Variants in VPS13D observed in about 807,000 individuals in gnomAD.
VPS13D encodes the protein vacuolar protein sorting 13 homolog D, also known as intermembrane lipid transfer protein VPS13D.
In VPS13D, 187 loss-of-function variants were observed where a neutral mutation model predicts 461.9. The ratio of observed to expected loss-of-function variants is 0.40; its 90% CI spans 0.36 to 0.46. The LOEUF (loss-of-function observed/expected upper bound fraction) is 0.46. Among genes scored for constraint, VPS13D ranks in the 20% least tolerant of loss-of-function variants. VPS13D has a pLI of 0.60. For missense variants in VPS13D, 4,711 were observed against 5,364.9 expected, an observed-to-expected ratio of 0.88 and a Z score of 3.81; for synonymous variants, 1,951 against 1,986.3, an observed-to-expected ratio of 0.98 and a Z score of 0.47.
chr1:12,416,327 C>T (rs1644793791), intron 64 of VPS13D, among the ~76,000 whole-genome samples: 2 of 152,164 alleles, frequency 1.3e-5, no homozygotes, highest in Admixed American at 1.3e-4. Context: ...GATTACTTCT[C>T]TATTTGTAGG....
chr1:12,377,390 A>T (rs1570042129), intron 55 of VPS13D, among the ~76,000 whole-genome samples: 1 of 152,066 alleles, frequency 6.6e-6, no homozygotes, highest in East Asian at 1.9e-4. Context: ...AGTCTTATGG[A>T]CCAATGTCTA....
At chr1:12,411,683 G>A (rs1644732321) in intron 63 of VPS13D, among the ~76,000 whole-genome samples, 2 of 152,162 alleles carry the variant, frequency 1.3e-5, no homozygotes, top group Non-Finnish European at 2.9e-5. Flanking sequence ...TTAATAATTT[G>A]GACTAGACCT....
intron 63 of VPS13D, among the ~76,000 whole-genome samples, chr1:12,408,197 A>C (rs955096013): frequency 1.3e-5 from 2 of 152,226 alleles, no homozygotes; most frequent in Non-Finnish European, 2.9e-5. Flanking sequence ...TCTGGCTTTC[A>C]TGCTTTCTAC....
chr1:12,329,234 G>C (rs1001285617), intron 36 of VPS13D, among the ~76,000 whole-genome samples: 7 of 151,466 alleles, frequency 4.6e-5, no homozygotes, highest in African/African-American at 1.7e-4. Context: ...TATTTTTTGA[G>C]ACAAGAGTCT....
At chr1:12,242,855 G>A (rs1640422743) in intron 3 of VPS13D, among the ~76,000 whole-genome samples, 1 of 152,178 alleles carries the variant, frequency 6.6e-6, no homozygotes, top group African/African-American at 2.4e-5. Flanking sequence ...TGTTTAATAA[G>A]CACTCCAGGT....
chr1:12,234,059 A>C (rs1324100497), intron 1 of VPS13D, 132 bp from the exon 2 acceptor site: 2 of 439,086 alleles, frequency 4.6e-6, no homozygotes, highest in Non-Finnish European at 8.3e-6. Context: ...AACAAAAACA[A>C]AAACACAAAC....
At chr1:12,456,828 C>A (rs1645337051) in intron 66 of VPS13D, among the ~76,000 whole-genome samples, 1 of 152,094 alleles carries the variant, frequency 6.6e-6, no homozygotes, top group Admixed American at 6.5e-5. Context: ...GGCTTCTGTT[C>A]CCAAAGTATC....
rs1344607042 is a variant in VPS13D at position 12,282,822 on chromosome 1, C to T, written c.4720C>T (p.Pro1574Ser). The change falls in exon 21 of 70, where the codon CCT becomes TCT. Residue 1574 changes from proline (P) to serine (S), a missense_variant. Around this residue, in one of 3 missense-constraint regions of VPS13D, gnomAD observed 4,411 missense variants for 4,937.8 expected, o/e 0.89. Coordinates refer to ENST00000620676, the MANE Select transcript of VPS13D (RefSeq NM_015378.4). ...TACCTCCTCCCCTTGCCCTGATTCTCCTCTGCCTCCCCTCAGTACCTGTGG... is the reference window on the plus strand; with the variant it reads ...TACCTCCTCCCCTTGCCCTGATTCTTCTCTGCCTCCCCTCAGTACCTGTGG... The part of the protein sequence containing the change: ...SATSSPCPDS[P>S]LPPLSTCGES... 6.2e-7 allele frequency: 1 copy of T among 1,614,128 alleles called. No individual in the cohort carries two copies.
rs1011406616 is a variant in VPS13D at position 12,282,827 on chromosome 1, G to A, written c.4725G>A (p.Leu1575=). 1.2e-6 allele frequency: 2 copies of A among 1,613,950 alleles called. No individual in the cohort carries two copies. Among genetic ancestry groups the A allele is most frequent in the East Asian group, 2.2e-5 (1 of 44,898 alleles). The part of the protein sequence containing the change: ...ATSSPCPDSP[L]PPLSTCGESS... Reference sequence around the variant, plus strand: ...CCTCCCCTTGCCCTGATTCTCCTCTGCCTCCCCTCAGTACCTGTGGAGAAT... The same window carrying A: ...CCTCCCCTTGCCCTGATTCTCCTCTACCTCCCCTCAGTACCTGTGGAGAAT... Residue 1575 remains leucine, a synonymous_variant, in exon 21 of 70, where the codon CTG becomes CTA. Transcript: ENST00000620676.
intron 65 of VPS13D, among the ~76,000 whole-genome samples, chr1:12,426,337 A>G (rs1644924559): frequency 6.6e-6 from 1 of 152,196 alleles, no homozygotes; most frequent in Non-Finnish European, 1.5e-5. Context: ...TTTCCTGATG[A>G]CTGTCTGCCT....
chr1:12,447,475 G>A (rs973491984), intron 65 of VPS13D, among the ~76,000 whole-genome samples: 1 of 152,152 alleles, frequency 6.6e-6, no homozygotes, highest in African/African-American at 2.4e-5. Context: ...GTTGGCTGAT[G>A]CTTATGATTC....
At chr1:12,444,580 TTTTC>T (rs1246207042) in intron 65 of VPS13D, among the ~76,000 whole-genome samples, 1 of 152,198 alleles carries the variant, frequency 6.6e-6, no homozygotes, top group Non-Finnish European at 1.5e-5. Flanking sequence ...CCCCCTTGGT[TTTTC>T]TTCATGTTTC....
chr1:12,491,892 A>G (rs1293511536), intron 67 of VPS13D, among the ~76,000 whole-genome samples: 1 of 152,244 alleles, frequency 6.6e-6, no homozygotes, highest in Non-Finnish European at 1.5e-5. Flanking sequence ...ATGGCCGACA[A>G]GCTCCAGCTG....
In VPS13D at chr1:12,321,866, G is replaced by T. The variant is rs536200462; in HGVS notation, c.7606G>T (p.Val2536Leu). ...TACAGCTCTTTCAATTGTGGATCCC[G>T]TACAAATTCAAATGGAGTTGGTGGG... ...HDTALSIVDP[V>L]QIQMELVGNS... Residue 2536 changes from valine to leucine, a missense_variant, in exon 33 of 70, where the codon GTA becomes TTA. Coordinates refer to ENST00000620676, the MANE Select transcript of VPS13D (RefSeq NM_015378.4). 107 of 1,612,908 alleles carry T rather than the reference G, an allele frequency of 6.6e-5. No homozygotes were observed. The South Asian group carries it at 1.0e-3, about 16-fold the overall frequency.
intron 24 of VPS13D, among the ~76,000 whole-genome samples, chr1:12,295,667 A>T (rs1250009362): frequency 4.6e-5 from 7 of 152,208 alleles, no homozygotes; most frequent in African/African-American, 1.7e-4. Context: ...CTCAAAAAAA[A>T]TTTAGCGTTT....
chr1:12,335,688 T>TG lies in VPS13D; in HGVS notation c.8429-12dup, dbSNP rs757780492. 5 of 1,598,644 alleles carry TG rather than the reference T, an allele frequency of 3.1e-6. No individual in the cohort carries two copies. Among genetic ancestry groups the TG allele is most frequent in the Non-Finnish European group, 1.7e-6 (2 of 1,172,122 alleles). ...TCTTTTTTAGTTCTCTTAATATCTCTGGGGGATTCTTTCTAGACCAGTATG... is the reference window on the plus strand; with the variant it reads ...TCTTTTTTAGTTCTCTTAATATCTCTGGGGGGATTCTTTCTAGACCAGTATG... On this transcript the variant is annotated splice_polypyrimidine_tract_variant and intron_variant, in intron 38 of 69. Coordinates refer to ENST00000620676, the MANE Select transcript of VPS13D (RefSeq NM_015378.4).
At chr1:12,266,572 A>G (rs566241367) in intron 13 of VPS13D, among the ~76,000 whole-genome samples, 6 of 152,258 alleles carry the variant, frequency 3.9e-5, no homozygotes, top group South Asian at 4.1e-4. Context: ...AGTTTCAGGC[A>G]TAATGCTATT....
rs1442052139 is a variant in VPS13D, at chr1:12,292,426, G to GCTCAGT, written c.5853-1094_5853-1089dup. 1.9e-4 allele frequency among the ~76,000 whole-genome samples: 28 copies of GCTCAGT among 145,940 alleles called. No homozygotes were observed. In the East Asian group the frequency reaches 5.0e-3, roughly 26 times the overall value. ...TCTGATTTAATTGGTCTAGGGCCAT[G>GCTCAGT]CTCAGTCTCTTTTTTTTTTTTTTTT... On this transcript the variant is annotated intron_variant, in intron 23 of 69. Transcript: ENST00000620676.
rs1167522415 is a variant in VPS13D, at chr1:12,319,614, G to A, written c.7532G>A (p.Ser2511Asn). The A allele has an allele frequency of 6.2e-7, 1 of 1,614,108 alleles. No individual in the cohort carries two copies. Among genetic ancestry groups the A allele is most frequent in the East Asian group, 2.2e-5 (1 of 44,900 alleles). The change falls in exon 32 of 70, where the codon AGT becomes AAT. Residue 2511 changes from serine (S) to asparagine (N), a missense_variant. Transcript: ENST00000620676. ...TTTGTTGATCGCCCCTTTTCAGGAA[G>A]TTTGTTTGGCATTGAGGTAAGAAGT... is the stretch of plus-strand genomic sequence containing the variant. ...PRFVDRPFSG[S>N]LFGIEVFSCR...
Sources: gnomAD v4.1 joint callset for allele counts (sites outside exome capture counted in the v4.1 genomes callset) on GRCh38, gnomAD v4.1.1 for gene constraint, gnomAD v4.1.1 regional missense constraint, MANE v1.5 for transcripts, NCBI Gene and HGNC (gene_info 2026-07-23, HGNC 2026-07-21) for gene names.